SLC24A2: variants seen among roughly 807,000 people sequenced by gnomAD.
SLC24A2 encodes the protein sodium/potassium/calcium exchanger 2.
A neutral mutation model predicts 62.0 loss-of-function variants in SLC24A2; 36 were observed. That is an observed-to-expected ratio of 0.58 (90% CI 0.44 to 0.77). The LOEUF is 0.77. Ranked by LOEUF, SLC24A2 falls within the 30% of genes least tolerant of loss-of-function variation. The pLI is 0.00. For synonymous variants in SLC24A2, 358 were observed against 294.0 expected (o/e 1.22, Z -2.23); for missense variants, 846 against 817.9 (o/e 1.03, Z -0.42).
the SLC24A2 span, among the ~76,000 whole-genome samples, chr9:20,163,305 G>A: frequency 6.6e-6 from 1 of 151,998 alleles, no homozygotes; most frequent in Non-Finnish European, 1.5e-5. Flanking sequence ...AAATCAATGT[G>A]CAAAAATCAC....
intron 4 of SLC24A2, among the ~76,000 whole-genome samples, chr9:19,598,884 CAACT>C (rs1480169673): frequency 2.0e-5 from 3 of 152,128 alleles, no homozygotes; most frequent in Non-Finnish European, 4.4e-5. Flanking sequence ...TCACATCAGC[CAACT>C]AACTGTTTTG....
chr9:19,842,737 A>G, the SLC24A2 span, among the ~76,000 whole-genome samples: 2 of 152,282 alleles, frequency 1.3e-5, no homozygotes, highest in East Asian at 1.9e-4. Context: ...CAATAGCTGT[A>G]TTGTATATAT....
intron 2 of SLC24A2, among the ~76,000 whole-genome samples, chr9:19,700,833 T>G (rs750039164): frequency 2.0e-5 from 3 of 152,206 alleles, no homozygotes; most frequent in Non-Finnish European, 2.9e-5. Context: ...TTAATTAACC[T>G]TCTCCATTTT....
At chr9:20,110,655 C>T in the SLC24A2 span, among the ~76,000 whole-genome samples, 1 of 151,998 alleles carries the variant, frequency 6.6e-6, no homozygotes, top group Non-Finnish European at 1.5e-5. Flanking sequence ...TAGATCTTCT[C>T]TTTGGTGAAT....
chr9:19,715,972 A>AC (rs1274174325), intron 2 of SLC24A2, among the ~76,000 whole-genome samples: 1 of 152,292 alleles, frequency 6.6e-6, no homozygotes, highest in East Asian at 1.9e-4. Flanking sequence ...TAAAAGAGGT[A>AC]CCCCCATTCA....
At chr9:19,840,821 T>A in the SLC24A2 span, among the ~76,000 whole-genome samples, 15 of 152,196 alleles carry the variant, frequency 9.9e-5, no homozygotes, top group African/African-American at 3.6e-4. Flanking sequence ...TTTTACCAGT[T>A]ACAGAACTTT....
chr9:19,870,261 A>G, the SLC24A2 span, among the ~76,000 whole-genome samples: 1 of 152,138 alleles, frequency 6.6e-6, no homozygotes, highest in Non-Finnish European at 1.5e-5. Flanking sequence ...GACATTTCAT[A>G]CAAATGGAAT....
chr9:19,909,463 C>A, the SLC24A2 span, among the ~76,000 whole-genome samples: 2 of 151,746 alleles, frequency 1.3e-5, no homozygotes, highest in African/African-American at 2.4e-5. Flanking sequence ...CACATGTACC[C>A]TAAAACTTAA....
At chr9:19,551,982 GA>G (rs1286693274) in intron 7 of SLC24A2, among the ~76,000 whole-genome samples, 1 of 152,144 alleles carries the variant, frequency 6.6e-6, no homozygotes, top group African/African-American at 2.4e-5. Context: ...GTGGGTAAAA[GA>G]ATTTGTAAAC....
chr9:19,672,183 T>A (rs1679655868), intron 2 of SLC24A2, among the ~76,000 whole-genome samples: 1 of 146,326 alleles, frequency 6.8e-6, no homozygotes, highest in Non-Finnish European at 1.5e-5. Context: ...GGACTTTTTT[T>A]ATTGGCAATT....
chr9:19,554,356 G>C (rs1444975327), intron 7 of SLC24A2, among the ~76,000 whole-genome samples: 2 of 152,210 alleles, frequency 1.3e-5, no homozygotes, highest in Non-Finnish European at 2.9e-5. Context: ...CATTTACATT[G>C]CATTAGGCAT....
chr9:20,293,171 A>C, the SLC24A2 span, among the ~76,000 whole-genome samples: 1 of 152,192 alleles, frequency 6.6e-6, no homozygotes, highest in East Asian at 1.9e-4. Context: ...CTTCTTAAAT[A>C]ATTACATCGA....
chr9:19,660,205 T>A (rs1044821828), intron 2 of SLC24A2, among the ~76,000 whole-genome samples: 6 of 152,168 alleles, frequency 3.9e-5, no homozygotes, highest in Middle Eastern at 3.2e-3. Flanking sequence ...GAAGCTGCTG[T>A]CTGAGTAATG....
intron 2 of SLC24A2, among the ~76,000 whole-genome samples, chr9:19,684,671 G>A (rs908028725): frequency 4.0e-5 from 6 of 151,790 alleles, no homozygotes; most frequent in Non-Finnish European, 8.8e-5. Flanking sequence ...AAGACAAATT[G>A]TGAAGAAAGT....
the SLC24A2 span, among the ~76,000 whole-genome samples, chr9:19,853,423 A>G: frequency 4.9e-4 from 75 of 152,284 alleles, no homozygotes; most frequent in Admixed American, 1.4e-3. Context: ...TTGCTCTTTC[A>G]GTATTACACT....
the SLC24A2 span, among the ~76,000 whole-genome samples, chr9:20,006,115 C>A: frequency 6.6e-6 from 1 of 151,202 alleles, no homozygotes; most frequent in African/African-American, 2.4e-5. Context: ...AATATATACA[C>A]ATAGTATGTT....
At chr9:19,767,759 C>A (rs1822563749) in intron 2 of SLC24A2, among the ~76,000 whole-genome samples, 1 of 152,162 alleles carries the variant, frequency 6.6e-6, no homozygotes, top group East Asian at 1.9e-4. Flanking sequence ...CCAACTTGAC[C>A]AGGAACTTAT....
intron 5 of SLC24A2, among the ~76,000 whole-genome samples, chr9:19,581,469 G>C (rs919034060): frequency 1.3e-5 from 2 of 152,150 alleles, no homozygotes; most frequent in Non-Finnish European, 2.9e-5. Flanking sequence ...CCCAGAATAA[G>C]TAAGATGGAG....
chr9:20,212,045 T>C, the SLC24A2 span, among the ~76,000 whole-genome samples: 3 of 151,768 alleles, frequency 2.0e-5, 1 homozygote, highest in South Asian at 6.2e-4. Flanking sequence ...CAAATATCAA[T>C]AAATGGGTTG....
Sources: allele counts gnomAD v4.1 joint callset (sites outside exome capture counted in the v4.1 genomes callset), GRCh38; gene constraint gnomAD v4.1.1; transcripts MANE v1.5; gene names NCBI Gene and HGNC (gene_info 2026-07-23, HGNC 2026-07-21).